The following QTMAN variants were observed in gnomAD, a reference collection of about 807,000 sequenced individuals.
QTMAN encodes the protein queuosine-tRNA mannosyltransferase.
At chr2:144,241,940 T>C in the QTMAN span, among the ~76,000 whole-genome samples, 16 of 152,128 alleles carry the variant, frequency 1.1e-4, no homozygotes, top group East Asian at 3.1e-3. Flanking sequence ...TAGGGACACA[T>C]ATGATTTCAT....
chr2:144,003,264 G>C, the QTMAN span, among the ~76,000 whole-genome samples: 1 of 151,850 alleles, frequency 6.6e-6, no homozygotes, highest in East Asian at 1.9e-4. Context: ...GGCCTTGAGA[G>C]AGTGATCTTT....
chr2:143,999,016 TCATTAA>T, the QTMAN span, among the ~76,000 whole-genome samples: 3 of 151,990 alleles, frequency 2.0e-5, no homozygotes, highest in African/African-American at 7.2e-5. Context: ...ACCCTATAAT[TCATTAA>T]CATTAAGTAA....
chr2:144,147,583 T>C, the QTMAN span, among the ~76,000 whole-genome samples: 1,720 of 151,902 alleles, frequency 0.011, 36 homozygotes, highest in African/African-American at 0.038. Flanking sequence ...TCTTTCTTAC[T>C]ATGCCCATCC....
the QTMAN span, among the ~76,000 whole-genome samples, chr2:144,254,669 C>T: frequency 5.3e-5 from 8 of 152,086 alleles, no homozygotes; most frequent in African/African-American, 1.7e-4. Flanking sequence ...CAGACCCCAC[C>T]CCAAAATGGG....
chr2:143,993,127 C>T, the QTMAN span, among the ~76,000 whole-genome samples: 3 of 152,100 alleles, frequency 2.0e-5, no homozygotes, highest in Admixed American at 6.5e-5. Flanking sequence ...TCCTTCATAA[C>T]ATTTATCACG....
the QTMAN span, among the ~76,000 whole-genome samples, chr2:143,978,416 A>C: frequency 6.6e-6 from 1 of 152,206 alleles, no homozygotes; most frequent in Non-Finnish European, 1.5e-5. Context: ...ATTTCTTCTA[A>C]ATCCCTCCAC....
chr2:144,189,835 T>C, the QTMAN span, among the ~76,000 whole-genome samples: 1 of 152,130 alleles, frequency 6.6e-6, no homozygotes, highest in Non-Finnish European at 1.5e-5. Context: ...TTGGCCATGC[T>C]GGTCATGAAC....
At chr2:144,003,416 T>C in the QTMAN span, among the ~76,000 whole-genome samples, 247 of 150,096 alleles carry the variant, frequency 1.6e-3, no homozygotes, top group African/African-American at 5.8e-3. Context: ...GGAAAGAAAA[T>C]AGTTAAAAAA....
the QTMAN span, among the ~76,000 whole-genome samples, chr2:144,120,356 C>A: frequency 3.9e-5 from 6 of 152,130 alleles, no homozygotes; most frequent in African/African-American, 1.4e-4. Context: ...ATCTGTATTA[C>A]CCTTTACTCT....
At chr2:144,175,409 T>C in the QTMAN span, among the ~76,000 whole-genome samples, 10 of 152,090 alleles carry the variant, frequency 6.6e-5, no homozygotes, top group African/African-American at 2.4e-4. Flanking sequence ...TTTTTTTACA[T>C]GCCTATCTCA....
At chr2:144,313,179 C>A in the QTMAN span, among the ~76,000 whole-genome samples, 1 of 152,208 alleles carries the variant, frequency 6.6e-6, no homozygotes, top group Non-Finnish European at 1.5e-5. Flanking sequence ...TAACTCCCCA[C>A]TAGATTAACA....
chr2:144,045,214 C>T, the QTMAN span, among the ~76,000 whole-genome samples: 1 of 152,286 alleles, frequency 6.6e-6, no homozygotes, highest in East Asian at 1.9e-4. Context: ...ACTTAAAGTA[C>T]AGTCTGGTCT....
the QTMAN span, among the ~76,000 whole-genome samples, chr2:144,256,007 G>C: frequency 6.6e-6 from 1 of 152,024 alleles, no homozygotes; most frequent in African/African-American, 2.4e-5. Context: ...AAAAAATAAA[G>C]TCTATTAATT....
At chr2:143,954,615 A>G in the QTMAN span, among the ~76,000 whole-genome samples, 1 of 152,196 alleles carries the variant, frequency 6.6e-6, no homozygotes, top group South Asian at 2.1e-4. Flanking sequence ...CTAATTCATC[A>G]AGGAAAAAAC....
At chr2:144,192,264 G>A in the QTMAN span, among the ~76,000 whole-genome samples, 1 of 151,938 alleles carries the variant, frequency 6.6e-6, no homozygotes, top group African/African-American at 2.4e-5. Context: ...CTAACACCAT[G>A]CCTGGCTAAT....
the QTMAN span, among the ~76,000 whole-genome samples, chr2:144,224,681 C>A: frequency 1.3e-5 from 2 of 152,114 alleles, no homozygotes; most frequent in Non-Finnish European, 2.9e-5. Flanking sequence ...GTATGTAGAT[C>A]TGGATCTAAG....
chr2:144,034,140 G>A, the QTMAN span, among the ~76,000 whole-genome samples: 12 of 152,296 alleles, frequency 7.9e-5, no homozygotes, highest in South Asian at 1.7e-3. Flanking sequence ...GAGGTAAAAC[G>A]TATGAACAAT....
chr2:144,324,365 T>G, the QTMAN span, among the ~76,000 whole-genome samples: 8 of 152,192 alleles, frequency 5.3e-5, no homozygotes, highest in Non-Finnish European at 1.2e-4. Context: ...ATGCTCTAGA[T>G]AGTTCATTAA....
At chr2:144,277,642 T>C in the QTMAN span, among the ~76,000 whole-genome samples, 24 of 152,250 alleles carry the variant, frequency 1.6e-4, no homozygotes, top group African/African-American at 5.8e-4. Flanking sequence ...ATAATTGGGC[T>C]TCACCTACAA....
Sources: allele counts gnomAD v4.1 joint callset (sites outside exome capture counted in the v4.1 genomes callset), GRCh38; gene constraint gnomAD v4.1.1; transcripts MANE v1.5; gene names NCBI Gene and HGNC (gene_info 2026-07-23, HGNC 2026-07-21).